The following FGGY variants were observed in gnomAD, a reference collection of about 807,000 sequenced individuals.
FGGY encodes FGGY carbohydrate kinase domain containing.
Under a neutral mutation model 71.3 loss-of-function variants are expected in FGGY, and 72 were observed. The observed-to-expected ratio is 1.01, with a 90% CI of 0.84 to 1.23. FGGY has a LOEUF of 1.23. FGGY is among the 50% of genes most tolerant of loss of function. The pLI is 0.00. For synonymous variants in FGGY, 251 were observed against 250.3 expected (o/e 1.00, Z -0.02); for missense variants, 668 against 682.3 (o/e 0.98, Z 0.23).
chr1:59,411,054 C>CT (rs1041542528), intron 5 of FGGY, among the ~76,000 whole-genome samples: 37 of 152,184 alleles, frequency 2.4e-4, no homozygotes, highest in African/African-American at 8.9e-4. Context: ...AGTCTACAGA[C>CT]TTTTTGCTAG....
At chr1:59,707,819 G>A (rs75096671) in intron 14 of FGGY, among the ~76,000 whole-genome samples, 2,190 of 152,214 alleles carry the variant, frequency 0.014, 32 homozygotes, top group Middle Eastern at 0.034. Context: ...CCAAAGAATC[G>A]GCATCCTTGG....
chr1:59,301,148 A>G (rs895306845), intron 1 of FGGY, among the ~76,000 whole-genome samples: 5 of 152,144 alleles, frequency 3.3e-5, no homozygotes, highest in Admixed American at 2.0e-4. Flanking sequence ...TCTCTAGGCA[A>G]TGTTTTGTAG....
chr1:59,383,807 GT>G (rs1398250679), intron 5 of FGGY, among the ~76,000 whole-genome samples: 1 of 152,068 alleles, frequency 6.6e-6, no homozygotes, highest in Non-Finnish European at 1.5e-5. Context: ...CCTGCTTTGA[GT>G]TTTCTCACCC....
intron 12 of FGGY, among the ~76,000 whole-genome samples, chr1:59,664,482 T>C (rs988606967): frequency 6.6e-6 from 1 of 152,246 alleles, no homozygotes; most frequent in Non-Finnish European, 1.5e-5. Context: ...TGCTTTGTTT[T>C]ATTCTTGTCT....
rs766121989 is a variant in FGGY at position 59,607,838 on chromosome 1, G to A, written c.939G>A (p.Trp313Ter). ...SKDPIFVPGV[W>*]GPYFSAMVPG... is the part of the protein sequence containing the mutation. ...ACCCGATTTTTGTACCAGGCGTCTG[G>A]GGGCCTTATTTCTCAGCCATGGTAC... Residue 313 changes from tryptophan to a stop codon, truncating the protein, a stop_gained, in exon 9 of 16, where the codon TGG becomes TGA. Transcript: ENST00000303721. LOFTEE classifies it high-confidence loss of function. 2 of 1,613,972 alleles carry A rather than the reference G, an allele frequency of 1.2e-6. No homozygotes were observed. The highest frequency in any genetic ancestry group is 8.5e-7 in the Non-Finnish European group (1 of 1,179,922).
At chr1:59,313,588 G>GCACA (rs767300826) in intron 1 of FGGY, among the ~76,000 whole-genome samples, 2 of 149,678 alleles carry the variant, frequency 1.3e-5, no homozygotes, top group Middle Eastern at 3.5e-3. Context: ...ACACACGCAC[G>GCACA]CACACACACA....
At chr1:59,343,327 C>T (rs1310345064) in intron 3 of FGGY, among the ~76,000 whole-genome samples, 1 of 152,162 alleles carries the variant, frequency 6.6e-6, no homozygotes, top group Admixed American at 6.6e-5. Context: ...TAAACGACAA[C>T]ATTTTTGTGG....
At chr1:59,701,171 C>T (rs914665567) in intron 14 of FGGY, among the ~76,000 whole-genome samples, 3 of 152,108 alleles carry the variant, frequency 2.0e-5, no homozygotes, top group Non-Finnish European at 2.9e-5. Flanking sequence ...AAGGTTATAC[C>T]CTGAGTATCT....
At chr1:59,694,920 G>A (rs2097643954) in intron 14 of FGGY, among the ~76,000 whole-genome samples, 1 of 152,190 alleles carries the variant, frequency 6.6e-6, no homozygotes, top group Non-Finnish European at 1.5e-5. Flanking sequence ...AGAGAGTATG[G>A]TGTTTCCCAA....
intron 6 of FGGY, among the ~76,000 whole-genome samples, chr1:59,462,954 C>T (rs1438689648): frequency 6.6e-6 from 1 of 151,940 alleles, no homozygotes; most frequent in Non-Finnish European, 1.5e-5. Context: ...CATCCCATTA[C>T]TGGGTATATA....
intron 14 of FGGY, among the ~76,000 whole-genome samples, chr1:59,712,312 A>G (rs1218269528): frequency 6.6e-6 from 1 of 152,186 alleles, no homozygotes; most frequent in Non-Finnish European, 1.5e-5. Flanking sequence ...CCTCTCTCCC[A>G]GCTGCCCTCA....
chr1:59,387,195 A>T (rs2060171850), intron 5 of FGGY, among the ~76,000 whole-genome samples: 1 of 152,170 alleles, frequency 6.6e-6, no homozygotes, highest in East Asian at 1.9e-4. Context: ...AGGATCTCAA[A>T]TACAAAACCA....
At chr1:59,443,165 C>T (rs2070363434) in intron 5 of FGGY, among the ~76,000 whole-genome samples, 1 of 152,098 alleles carries the variant, frequency 6.6e-6, no homozygotes, top group Non-Finnish European at 1.5e-5. Context: ...AGAGATAATC[C>T]TAGCTTATCA....
intron 14 of FGGY, among the ~76,000 whole-genome samples, chr1:59,752,836 T>G (rs2101728016): frequency 6.6e-6 from 1 of 152,328 alleles, no homozygotes. Flanking sequence ...GAATGCAGTC[T>G]TTCATGGCCG....
intron 2 of FGGY, among the ~76,000 whole-genome samples, chr1:59,327,169 T>C (rs2047598124): frequency 6.6e-6 from 1 of 152,224 alleles, no homozygotes; most frequent in Non-Finnish European, 1.5e-5. Flanking sequence ...ACTCTTTCTT[T>C]CACAAAAGAT....
chr1:59,314,382 C>CTA (rs1383033830), intron 1 of FGGY, among the ~76,000 whole-genome samples: 2 of 152,198 alleles, frequency 1.3e-5, no homozygotes, highest in Non-Finnish European at 2.9e-5. Flanking sequence ...TTTGGTGATG[C>CTA]TATACTGTTA....
intron 8 of FGGY, among the ~76,000 whole-genome samples, chr1:59,566,478 A>G (rs145713128): frequency 1.1e-3 from 167 of 152,248 alleles, no homozygotes; most frequent in African/African-American, 2.9e-3. Flanking sequence ...CACTTAACCA[A>G]TGGTTAGAGC....
intron 14 of FGGY, among the ~76,000 whole-genome samples, chr1:59,705,667 A>G (rs1317987945): frequency 6.6e-6 from 1 of 152,176 alleles, no homozygotes; most frequent in South Asian, 2.1e-4. Context: ...TCTACTTACC[A>G]CTTGACTTTG....
At chr1:59,522,930 C>T (rs1449049841) in intron 7 of FGGY, among the ~76,000 whole-genome samples, 1 of 152,212 alleles carries the variant, frequency 6.6e-6, no homozygotes, top group African/African-American at 2.4e-5. Flanking sequence ...TCATTTTAAA[C>T]AAGCTCTGAT....
Sources: gnomAD v4.1 joint callset for allele counts (sites outside exome capture counted in the v4.1 genomes callset) on GRCh38, gnomAD v4.1.1 for gene constraint, MANE v1.5 for transcripts, NCBI Gene and HGNC (gene_info 2026-07-23, HGNC 2026-07-21) for gene names.